The following KCNJ6 variants were observed in gnomAD, a reference collection of about 807,000 sequenced individuals.
KCNJ6 encodes the protein G protein-activated inward rectifier potassium channel 2.
KCNJ6 carries 9 observed loss-of-function variants against 34.2 expected under a neutral mutation model. The observed-to-expected ratio is 0.26, with a 90% CI of 0.16 to 0.46. The LOEUF (loss-of-function observed/expected upper bound fraction) is 0.46. Among genes scored for constraint, KCNJ6 ranks in the 20% least tolerant of loss-of-function variants. The pLI is 1.00. For synonymous variants in KCNJ6, 196 were observed against 207.1 expected, an observed-to-expected ratio of 0.95 and a Z score of 0.46; for missense variants, 236 against 531.3, an observed-to-expected ratio of 0.44 and a Z score of 5.46.
chr21:37,793,795 C>T (rs1202840329), intron 2 of KCNJ6, among the ~76,000 whole-genome samples: 2 of 152,204 alleles, frequency 1.3e-5, no homozygotes, highest in Non-Finnish European at 2.9e-5. Context: ...AGATCTTACA[C>T]ACATGGACAC....
At chr21:37,825,041 CA>C (rs1375312547) in intron 2 of KCNJ6, among the ~76,000 whole-genome samples, 46 of 152,210 alleles carry the variant, frequency 3.0e-4, no homozygotes, top group African/African-American at 1.1e-3. Context: ...TGTGTGTGGT[CA>C]AATCTCTCTC....
At chr21:37,893,459 G>A (rs971004384) in intron 1 of KCNJ6, among the ~76,000 whole-genome samples, 1 of 152,034 alleles carries the variant, frequency 6.6e-6, no homozygotes, top group Non-Finnish European at 1.5e-5. Flanking sequence ...ACCTGCCTTG[G>A]CCTCCCAAAG....
intron 3 of KCNJ6, among the ~76,000 whole-genome samples, chr21:37,671,810 G>A (rs1247501928): frequency 3.3e-5 from 5 of 152,210 alleles, no homozygotes; most frequent in Non-Finnish European, 7.3e-5. Flanking sequence ...AGTCATGGAA[G>A]TGTTATCTGT....
In KCNJ6 at chr21:37,731,100, AGTG is replaced by A. The variant is rs1389221120; in HGVS notation, c.26-15972_26-15970del. On this transcript the variant is annotated intron_variant, in intron 2 of 3. Transcript: ENST00000609713. ...TCTGCCATTGCAGATAGATGAGAGA[AGTG>A]TGTGTGTGTGTGTGTGTGTGTGTGT... Among the ~76,000 whole-genome samples the A allele has an allele frequency of 2.2e-3, 299 of 134,718 alleles. 2 individuals carry two copies. Among genetic ancestry groups the A allele is most frequent in the African/African-American group, 6.0e-3 (237 of 39,784 alleles). 88.4% of individuals were successfully genotyped at this position (134,718 alleles called of 152,430 possible).
intron 3 of KCNJ6, among the ~76,000 whole-genome samples, chr21:37,674,605 C>T (rs1264726700): frequency 6.6e-6 from 1 of 151,134 alleles, no homozygotes; most frequent in Admixed American, 6.6e-5. Context: ...GCTTGGAACA[C>T]TCTCTCCCTG....
intron 2 of KCNJ6, among the ~76,000 whole-genome samples, chr21:37,725,265 T>TGCTGG (rs1037030295): frequency 1.3e-5 from 2 of 152,124 alleles, no homozygotes; most frequent in Non-Finnish European, 2.9e-5. Context: ...TGGTGGTGCG[T>TGCTGG]GCTGGTAATC....
At chr21:37,677,060 A>C (rs1787404) in intron 3 of KCNJ6, among the ~76,000 whole-genome samples, 1 of 152,004 alleles carries the variant, frequency 6.6e-6, no homozygotes, top group African/African-American at 2.4e-5. Context: ...CTAACTGTCC[A>C]GTGGCAGAAA....
At chr21:37,816,284 C>T (rs557183934) in intron 2 of KCNJ6, among the ~76,000 whole-genome samples, 4 of 152,326 alleles carry the variant, frequency 2.6e-5, no homozygotes, top group Non-Finnish European at 5.9e-5. Context: ...GACCGGTTTA[C>T]ATTCCTGATG....
At chr21:37,907,771 C>G (rs969528537) in intron 1 of KCNJ6, among the ~76,000 whole-genome samples, 4 of 152,202 alleles carry the variant, frequency 2.6e-5, no homozygotes, top group African/African-American at 4.8e-5. Flanking sequence ...CCTCCTCCCC[C>G]ACATATTCTC....
intron 1 of KCNJ6, among the ~76,000 whole-genome samples, chr21:37,861,271 C>T (rs2055593620): frequency 6.6e-6 from 1 of 152,166 alleles, no homozygotes. Context: ...GCTGGAAGTC[C>T]AAGACCAAGG....
intron 2 of KCNJ6, among the ~76,000 whole-genome samples, chr21:37,760,235 CTA>C (rs1178844138): frequency 6.6e-6 from 1 of 152,190 alleles, no homozygotes; most frequent in Non-Finnish European, 1.5e-5. Flanking sequence ...CTTTAAGCCA[CTA>C]TGTTTTGGCA....
Position 37,640,152 on chromosome 21 carries a change from C to G in KCNJ6, c.947-14668G>C, listed in dbSNP as rs559744974. On this transcript the variant is annotated intron_variant, in intron 3 of 3. Coordinates refer to ENST00000609713, the MANE Select transcript of KCNJ6 (RefSeq NM_002240.5). The stretch of plus-strand genomic sequence containing the variant: ...TTCCCATGGAAACAATGTTTCAGAA[C>G]AAGAAACTGAATAATAGGTTCCTTC... 1.7e-3 allele frequency among the ~76,000 whole-genome samples: 262 copies of G among 152,304 alleles called. 1 individual carries two copies. The highest frequency in any genetic ancestry group is 6.1e-3 in the African/African-American group (254 of 41,562).
At chr21:37,704,782 C>G (rs1374413939) in intron 3 of KCNJ6, among the ~76,000 whole-genome samples, 1 of 152,074 alleles carries the variant, frequency 6.6e-6, no homozygotes, top group Non-Finnish European at 1.5e-5. Context: ...TATTATAGTG[C>G]TTTCTGGCAG....
chr21:37,615,244 C>T lies in KCNJ6; in HGVS notation c.*9915G>A, dbSNP rs73220489. 5,944 of 98,584 alleles carry T rather than the reference C, an allele frequency of 0.06. 395 individuals are homozygous for T. The highest frequency in any genetic ancestry group is 0.088 in the East Asian group (324 of 3,700). The allele number at this position is 98,584 out of a possible 1,614,324, so 6.1% of individuals were successfully genotyped here. ...ACCCTCGACTGACATTCCCAGCATTCTTTTTTTTTTTTTTTTTTTTTTTTT... is the reference window on the plus strand; with the variant it reads ...ACCCTCGACTGACATTCCCAGCATTTTTTTTTTTTTTTTTTTTTTTTTTTT... On this transcript the variant is annotated 3_prime_UTR_variant, in exon 4 of 4. Transcript: ENST00000609713.
intron 2 of KCNJ6, among the ~76,000 whole-genome samples, chr21:37,833,804 A>T (rs1456007233): frequency 6.6e-6 from 1 of 152,214 alleles, no homozygotes; most frequent in African/African-American, 2.4e-5. Context: ...CAAAAGGCAC[A>T]CTGACTGTGG....
chr21:37,771,372 C>T (rs931940576), intron 2 of KCNJ6, among the ~76,000 whole-genome samples: 10 of 152,110 alleles, frequency 6.6e-5, no homozygotes, highest in African/African-American at 2.2e-4. Context: ...GCCTGTGGAC[C>T]GAAGCTTCAG....
Position 37,695,743 on chromosome 21 carries a change from T to C in KCNJ6, c.946+18468A>G, listed in dbSNP as rs1377289601. On this transcript the variant is annotated intron_variant, in intron 3 of 3. Transcript: ENST00000609713. The surrounding 1 kb of genome is among the most constrained non-coding windows in gnomAD (Gnocchi z 4.2). ...ATGGAGGGACCTGGTATGAATATCT[T>C]CTCGGTACACCAAGTGCCTATGTCT... is the stretch of plus-strand genomic sequence containing the variant. 6.6e-6 allele frequency among the ~76,000 whole-genome samples: 1 copy of C among 152,206 alleles called. No individual in the cohort carries two copies. Among genetic ancestry groups the C allele is most frequent in the Non-Finnish European group, 1.5e-5 (1 of 68,042 alleles).
In KCNJ6 at chr21:37,624,279, C is replaced by T. The variant is rs1334303895; in HGVS notation, c.*880G>A. On this transcript the variant is annotated 3_prime_UTR_variant, in exon 4 of 4. Transcript: ENST00000609713. ...TGCCATCTACCAGACCTCTCAATTT[C>T]CCCCAGACCTATGGCTTGTTGGATT... 1.3e-5 allele frequency: 2 copies of T among 152,150 alleles called. No homozygotes were observed. The highest frequency in any genetic ancestry group is 2.4e-5 in the African/African-American group (1 of 41,432). The allele number at this position is 152,150 out of a possible 1,614,324, so 9.4% of individuals were successfully genotyped here.
intron 1 of KCNJ6, among the ~76,000 whole-genome samples, chr21:37,888,940 C>G (rs955832576): frequency 3.3e-5 from 5 of 152,220 alleles, no homozygotes; most frequent in African/African-American, 1.2e-4. Flanking sequence ...CAAGTTACAC[C>G]TCAGTGGAGT....
Sources: gnomAD v4.1 joint callset for allele counts (sites outside exome capture counted in the v4.1 genomes callset) on GRCh38, gnomAD v4.1.1 for gene constraint, Gnocchi (gnomAD v3.1) non-coding constraint, MANE v1.5 for transcripts, NCBI Gene and HGNC (gene_info 2026-07-23, HGNC 2026-07-21) for gene names.